The following LOC400499 variants were observed in gnomAD, a reference collection of about 807,000 sequenced individuals.
the LOC400499 span, chr16:11,460,359 T>C: frequency 4.0e-6 from 5 of 1,235,268 alleles, no homozygotes; most frequent in African/African-American, 3.0e-5. Flanking sequence ...TCCATTCCCA[T>C]ATGGCTATGT....
chr16:11,437,209 A>C, the LOC400499 span, among the ~76,000 whole-genome samples: 1 of 152,170 alleles, frequency 6.6e-6, no homozygotes, highest in Admixed American at 6.5e-5. Context: ...TAGGGCAGGG[A>C]AACTGTTATG....
At chr16:11,494,977 G>C in the LOC400499 span, among the ~76,000 whole-genome samples, 1 of 152,198 alleles carries the variant, frequency 6.6e-6, no homozygotes, top group East Asian at 1.9e-4. Flanking sequence ...GGGAGGCCAA[G>C]GCAGGTGGAT....
chr16:11,372,919 A>C, the LOC400499 span, among the ~76,000 whole-genome samples: 1 of 152,214 alleles, frequency 6.6e-6, no homozygotes, highest in Non-Finnish European at 1.5e-5. Context: ...TGGGTCAATG[A>C]GTCCCCTACA....
chr16:11,506,179 G>A, the LOC400499 span, among the ~76,000 whole-genome samples: 1 of 152,038 alleles, frequency 6.6e-6, no homozygotes, highest in African/African-American at 2.4e-5. Context: ...TAGGATTACA[G>A]GCTCCTGTCT....
the LOC400499 span, chr16:11,387,440 G>A: frequency 3.4e-6 from 2 of 584,914 alleles, no homozygotes; most frequent in Non-Finnish European, 5.0e-6. Context: ...CCTTGTTTTG[G>A]GAAATCCCAT....
chr16:11,467,311 A>C, the LOC400499 span: 8 of 151,856 alleles, frequency 5.3e-5, no homozygotes, highest in African/African-American at 1.9e-4. Flanking sequence ...TTAAAAAAAA[A>C]AACAAAAAAA....
At chr16:11,429,338 G>C in the LOC400499 span, among the ~76,000 whole-genome samples, 1 of 152,136 alleles carries the variant, frequency 6.6e-6, no homozygotes, top group African/African-American at 2.4e-5. Flanking sequence ...CATACTTCCA[G>C]TACAGCTTGC....
chr16:11,526,671 T>A, the LOC400499 span, among the ~76,000 whole-genome samples: 1 of 152,224 alleles, frequency 6.6e-6, no homozygotes, highest in East Asian at 1.9e-4. Context: ...CCTGCCTTTT[T>A]AAAAATTTGT....
the LOC400499 span, among the ~76,000 whole-genome samples, chr16:11,512,308 T>C: frequency 6.8e-6 from 1 of 147,832 alleles, no homozygotes; most frequent in African/African-American, 2.5e-5. Flanking sequence ...AAAATAATAA[T>C]AATAAAGGGG....
the LOC400499 span, among the ~76,000 whole-genome samples, chr16:11,479,757 A>G: frequency 0.27 from 40,486 of 151,978 alleles, 5,987 homozygotes; most frequent in African/African-American, 0.4. Flanking sequence ...TAACAAACCA[A>G]CACTGGTATG....
the LOC400499 span, chr16:11,383,524 T>A: frequency 9.0e-7 from 1 of 1,110,208 alleles, no homozygotes; most frequent in Non-Finnish European, 1.1e-6. Flanking sequence ...TTGTGACTCT[T>A]AGCTCCTTGA....
chr16:11,509,550 G>A, the LOC400499 span, among the ~76,000 whole-genome samples: 1 of 151,802 alleles, frequency 6.6e-6, no homozygotes, highest in South Asian at 2.1e-4. Context: ...ACCACTCTGT[G>A]CCTGGCACAG....
At chr16:11,520,087 G>A in the LOC400499 span, among the ~76,000 whole-genome samples, 23 of 152,142 alleles carry the variant, frequency 1.5e-4, no homozygotes, top group African/African-American at 5.6e-4. Context: ...AGAGTCTGCA[G>A]GGTGGGAATT....
the LOC400499 span, among the ~76,000 whole-genome samples, chr16:11,453,895 C>T: frequency 6.6e-6 from 1 of 152,062 alleles, no homozygotes; most frequent in Admixed American, 6.5e-5. Flanking sequence ...CAACATCTAA[C>T]CAATAGGAAT....
At chr16:11,453,643 C>A in the LOC400499 span, among the ~76,000 whole-genome samples, 1 of 151,984 alleles carries the variant, frequency 6.6e-6, no homozygotes, top group East Asian at 1.9e-4. Context: ...GGCTCTTGAA[C>A]AGAACCAAAG....
At chr16:11,435,768 G>A in the LOC400499 span, 3 of 399,424 alleles carry the variant, frequency 7.5e-6, no homozygotes, top group African/African-American at 2.1e-5. Context: ...CTGCTCCTCC[G>A]AGTGTCCTGG....
At chr16:11,426,267 C>T in the LOC400499 span, among the ~76,000 whole-genome samples, 1 of 152,126 alleles carries the variant, frequency 6.6e-6, no homozygotes, top group Non-Finnish European at 1.5e-5. Context: ...GAAACCCTGT[C>T]TCTACTAAGA....
the LOC400499 span, chr16:11,391,685 C>T: frequency 2.4e-6 from 3 of 1,232,240 alleles, no homozygotes; most frequent in East Asian, 3.2e-5. Context: ...CCTCCCGCAG[C>T]TGCTCCAGCC....
At chr16:11,492,542 T>G in the LOC400499 span, among the ~76,000 whole-genome samples, 1 of 151,688 alleles carries the variant, frequency 6.6e-6, no homozygotes. Flanking sequence ...ACAGCACTTT[T>G]GGGAAGCCGA....
Sources: gnomAD v4.1 joint callset for allele counts (sites outside exome capture counted in the v4.1 genomes callset) on GRCh38, gnomAD v4.1.1 for gene constraint, MANE v1.5 for transcripts.